VCF2: variants seen among roughly 807,000 people sequenced by gnomAD.
VCF2 encodes the protein VCP nuclear cofactor family member 2, also known as protein VCF2.
chrX:55,143,674 A>T, the VCF2 span: 11 of 515,568 alleles, frequency 2.1e-5, no homozygotes, highest in East Asian at 2.4e-4. Context: ...CAGCTTTCTG[A>T]GCCCCTACTT....
the VCF2 span, among the ~76,000 whole-genome samples, chrX:55,144,539 G>A: frequency 9.0e-6 from 1 of 111,347 alleles, no homozygotes; most frequent in Non-Finnish European, 1.9e-5. Context: ...AAATTCTACT[G>A]CAAGTATCTT....
chrX:55,147,707 G>A, the VCF2 span, among the ~76,000 whole-genome samples: 1 of 80,752 alleles, frequency 1.2e-5, no homozygotes, highest in African/African-American at 4.9e-5. Context: ...AATCATTTCT[G>A]ATGAATCAAA....
the VCF2 span, among the ~76,000 whole-genome samples, chrX:55,154,957 T>C: frequency 1.8e-5 from 2 of 112,731 alleles, no homozygotes; most frequent in African/African-American, 3.2e-5. Context: ...CATCAAGCTA[T>C]TGCAATGACA....
the VCF2 span, among the ~76,000 whole-genome samples, chrX:55,147,634 G>GTTTTT: frequency 4.4e-3 from 239 of 54,091 alleles, 6 homozygotes; most frequent in African/African-American, 0.013. Flanking sequence ...GGCTTTCCTT[G>GTTTTT]TTTTTTTTTT....
At chrX:55,160,901 C>A in the VCF2 span, 1 of 1,159,679 alleles carries the variant, frequency 8.6e-7, no homozygotes, top group Non-Finnish European at 1.1e-6. Flanking sequence ...GAGAAGGCTT[C>A]GCGGGATTTT....
chrX:55,144,254 T>C, the VCF2 span, among the ~76,000 whole-genome samples: 1 of 111,414 alleles, frequency 9.0e-6, no homozygotes, highest in Non-Finnish European at 1.9e-5. Flanking sequence ...TGTGTACATG[T>C]GGGTTGAAAA....
the VCF2 span, among the ~76,000 whole-genome samples, chrX:55,147,318 C>A: frequency 9.0e-6 from 1 of 111,162 alleles, no homozygotes; most frequent in Non-Finnish European, 1.9e-5. Flanking sequence ...CCACAGGTAC[C>A]AAGAGACAAC....
At chrX:55,152,443 G>T in the VCF2 span, among the ~76,000 whole-genome samples, 2 of 111,153 alleles carry the variant, frequency 1.8e-5, no homozygotes, top group Admixed American at 9.5e-5. Flanking sequence ...TAAAAATAAG[G>T]TTTCCTAATA....
the VCF2 span, among the ~76,000 whole-genome samples, chrX:55,157,719 G>C: frequency 2.1e-4 from 23 of 111,777 alleles, no homozygotes; most frequent in Non-Finnish European, 3.8e-4. Context: ...TGGAATTGTA[G>C]CATTAGGGCA....
chrX:55,147,634 G>GTTTTTTTTTT, the VCF2 span, among the ~76,000 whole-genome samples: 47 of 54,072 alleles, frequency 8.7e-4, no homozygotes, highest in East Asian at 1.4e-3. Flanking sequence ...GGCTTTCCTT[G>GTTTTTTTTTT]TTTTTTTTTT....
chrX:55,160,739 G>A, the VCF2 span: 2 of 872,259 alleles, frequency 2.3e-6, no homozygotes, highest in Non-Finnish European at 3.2e-6. Context: ...AGTTGCTAGG[G>A]TACCTAGCAG....
At chrX:55,153,654 C>T in the VCF2 span, among the ~76,000 whole-genome samples, 4 of 110,897 alleles carry the variant, frequency 3.6e-5, no homozygotes, top group African/African-American at 1.3e-4. Context: ...AGCCACCGCG[C>T]CCGTCCTGTA....
the VCF2 span, chrX:55,145,261 T>C: frequency 1.6e-5 from 11 of 670,877 alleles, no homozygotes; most frequent in East Asian, 1.3e-3. Context: ...ACATAATAGA[T>C]GGAATTATGA....
the VCF2 span, chrX:55,160,846 G>A: frequency 8.7e-7 from 1 of 1,155,897 alleles, no homozygotes; most frequent in Non-Finnish European, 1.1e-6. Flanking sequence ...CCCGCCTCCA[G>A]GGCTTGTAAG....
At chrX:55,160,489 C>T in the VCF2 span, among the ~76,000 whole-genome samples, 2 of 112,354 alleles carry the variant, frequency 1.8e-5, no homozygotes, top group African/African-American at 6.5e-5. Flanking sequence ...TTTTAAAATG[C>T]AACTTTACGA....
At chrX:55,160,737 G>A in the VCF2 span, 1 of 876,299 alleles carries the variant, frequency 1.1e-6, no homozygotes, top group South Asian at 2.3e-5. Flanking sequence ...CCAGTTGCTA[G>A]GGTACCTAGC....
chrX:55,161,087 G>A, the VCF2 span: 5 of 1,205,886 alleles, frequency 4.1e-6, no homozygotes, highest in Non-Finnish European at 5.6e-6. Context: ...GATGACCGTG[G>A]GGACCAGAGC....
the VCF2 span, among the ~76,000 whole-genome samples, chrX:55,156,351 A>T: frequency 9.0e-6 from 1 of 110,730 alleles, no homozygotes; most frequent in Non-Finnish European, 1.9e-5. Context: ...CAAAACATTC[A>T]CTCCTAATAC....
At chrX:55,155,825 C>A in the VCF2 span, among the ~76,000 whole-genome samples, 1 of 110,617 alleles carries the variant, frequency 9.0e-6, no homozygotes, top group Non-Finnish European at 1.9e-5. Context: ...ATATTAGTTA[C>A]AGAATATCTT....
Sources: allele counts gnomAD v4.1 joint callset (sites outside exome capture counted in the v4.1 genomes callset), GRCh38; gene constraint gnomAD v4.1.1; transcripts MANE v1.5; gene names NCBI Gene and HGNC (gene_info 2026-07-23, HGNC 2026-07-21).